The following RBFOX1 variants were observed in gnomAD, a reference collection of about 807,000 sequenced individuals.
The protein encoded by RBFOX1 is RNA binding protein fox-1 homolog 1.
In RBFOX1, 8 loss-of-function variants were observed where a neutral mutation model predicts 57.7. The ratio of observed to expected loss-of-function variants is 0.14; its 90% CI spans 0.08 to 0.25. RBFOX1 has a LOEUF of 0.25. Among genes scored for constraint, RBFOX1 ranks in the 10% least tolerant of loss-of-function variants. RBFOX1 has a pLI of 1.00. For synonymous variants in RBFOX1, 326 were observed against 222.4 expected (o/e 1.47, Z -4.15); for missense variants, 611 against 548.5 (o/e 1.11, Z -1.14).
In RBFOX1 at chr16:7,518,403, T is replaced by C. The variant is rs1289560168; in HGVS notation, c.270+14T>C. The C allele has an allele frequency of 6.2e-7, 1 of 1,600,814 alleles. No homozygotes were observed. The highest frequency in any genetic ancestry group is 2.2e-5 in the East Asian group (1 of 44,550). ...GGCACCGCCACAGTAAGTGGACGTGTTTGCTACGGGTGGGAGGTTATGGGG... is the reference window on the plus strand; with the variant it reads ...GGCACCGCCACAGTAAGTGGACGTGCTTGCTACGGGTGGGAGGTTATGGGG... On this transcript the variant is annotated intron_variant, in intron 5 of 15. Coordinates refer to ENST00000550418, the MANE Select transcript of RBFOX1 (RefSeq NM_018723.4).
intron 3 of RBFOX1, among the ~76,000 whole-genome samples, chr16:5,848,111 G>A (rs2056802752): frequency 6.6e-6 from 1 of 152,054 alleles, no homozygotes; most frequent in Admixed American, 6.5e-5. Flanking sequence ...TTGTCTGTGA[G>A]GAACATCTGT....
At chr16:6,912,871 T>A (rs1280513398) in intron 3 of RBFOX1, among the ~76,000 whole-genome samples, 2 of 152,110 alleles carry the variant, frequency 1.3e-5, no homozygotes, top group Non-Finnish European at 2.9e-5. Context: ...CCTCTTGCCT[T>A]GACCTCCCAA....
Position 7,052,098 on chromosome 16 carries a change from G to T in RBFOX1, c.27G>T (p.Arg9Ser), listed in dbSNP as rs758592429. The change falls in exon 4 of 16, where the codon AGG (arginine) becomes AGT (serine). Residue 9 changes from arginine (R) to serine (S), a missense_variant and splice_region_variant. Transcript: ENST00000550418. ...TGAATTGTGAAAGAGAGCAGCTAAG[G>T]GTAGGTGCACCTGCTTGTAAAATGC... MNCEREQL[R>S]GNQEAAAAPD... 7 of 1,606,338 alleles carry T rather than the reference G, an allele frequency of 4.4e-6. No homozygotes were observed. The highest frequency in any genetic ancestry group is 3.4e-5 in the South Asian group (3 of 88,836).
chr16:7,465,887 T>A (rs1315870852), intron 4 of RBFOX1, among the ~76,000 whole-genome samples: 2 of 152,100 alleles, frequency 1.3e-5, no homozygotes, highest in South Asian at 2.1e-4. Context: ...CATACATACA[T>A]TTTTTTGCCC....
intron 3 of RBFOX1, among the ~76,000 whole-genome samples, chr16:6,852,058 T>A (rs1312045233): frequency 2.0e-5 from 3 of 151,942 alleles, no homozygotes; most frequent in Non-Finnish European, 2.9e-5. Flanking sequence ...CTTGAGTAGC[T>A]GAGACTACAG....
intron 3 of RBFOX1, among the ~76,000 whole-genome samples, chr16:6,957,195 G>C (rs1004500808): frequency 9.4e-5 from 14 of 149,086 alleles, no homozygotes; most frequent in African/African-American, 3.2e-4. Context: ...GCAGTGGTGT[G>C]ATCTCGGCTC....
chr16:6,052,773 G>C (rs866496515), intron 1 of RBFOX1, among the ~76,000 whole-genome samples: 1 of 147,560 alleles, frequency 6.8e-6, no homozygotes, highest in Non-Finnish European at 1.5e-5. Context: ...GACAGAGCGA[G>C]ACTCCGTCTC....
chr16:5,746,359 C>T lies in RBFOX1; in HGVS notation c.319-120944C>T, dbSNP rs565187702. On this transcript the variant is annotated intron_variant, in intron 3 of 19. Coordinates refer to the RBFOX1 transcript ENST00000641259. ...TACTGTAGCCTTGTAGTATAGTTTGCAGTCAGGTAGCATGATGCTTCCAGC... is the reference window on the plus strand; with the variant it reads ...TACTGTAGCCTTGTAGTATAGTTTGTAGTCAGGTAGCATGATGCTTCCAGC... Among the ~76,000 whole-genome samples the T allele has an allele frequency of 1.8e-3, 276 of 152,208 alleles. 2 individuals carry two copies. Among genetic ancestry groups the T allele is most frequent in the African/African-American group, 6.5e-3 (272 of 41,528 alleles).
At chr16:5,436,338 T>TCAGGGGCTACAGAAGAGA in intron 1 of RBFOX1, among the ~76,000 whole-genome samples, 1 of 152,144 alleles carries the variant, frequency 6.6e-6, no homozygotes, top group Non-Finnish European at 1.5e-5. Context: ...GTGGATTAGT[T>TCAGGGGCTACAGAAGAGA]CAGGGGCTAC....
intron 3 of RBFOX1, among the ~76,000 whole-genome samples, chr16:6,980,791 C>A (rs377643795): frequency 3.9e-4 from 59 of 152,128 alleles, no homozygotes; most frequent in Admixed American, 1.2e-3. Flanking sequence ...GCCTGTAATC[C>A]CAGCACTTTG....
intron 4 of RBFOX1, among the ~76,000 whole-genome samples, chr16:7,330,280 C>T (rs35889689): frequency 6.6e-6 from 1 of 151,580 alleles, no homozygotes; most frequent in Non-Finnish European, 1.5e-5. Flanking sequence ...TAGATTACTT[C>T]TGAAGCCTAA....
intron 3 of RBFOX1, among the ~76,000 whole-genome samples, chr16:6,975,247 G>T (rs1313079886): frequency 6.9e-6 from 1 of 144,576 alleles, no homozygotes; most frequent in Non-Finnish European, 1.5e-5. Context: ...ACTCAACCAA[G>T]AAGAAATCAT....
intron 3 of RBFOX1, among the ~76,000 whole-genome samples, chr16:5,728,796 G>T (rs576812502): frequency 1.3e-5 from 2 of 152,086 alleles, no homozygotes; most frequent in Non-Finnish European, 2.9e-5. Flanking sequence ...ACTGTGTTCT[G>T]CTGGCCCCTT....
At chr16:6,775,573 A>T (rs1292955873) in intron 3 of RBFOX1, among the ~76,000 whole-genome samples, 1 of 152,162 alleles carries the variant, frequency 6.6e-6, no homozygotes, top group Non-Finnish European at 1.5e-5. Flanking sequence ...AAATTAAAGG[A>T]AAAAAGATGG....
chr16:6,553,127 A>C (rs1478922164), intron 2 of RBFOX1, among the ~76,000 whole-genome samples: 1 of 152,172 alleles, frequency 6.6e-6, no homozygotes, highest in East Asian at 1.9e-4. Flanking sequence ...GGATGTGCCC[A>C]CTGGTCATGG....
In RBFOX1 at chr16:7,676,838, G is replaced by A. The variant is rs187211692; in HGVS notation, c.995G>A (p.Ser332Asn). 6.2e-7 allele frequency: 1 copy of A among 1,611,432 alleles called. No homozygotes were observed. Among genetic ancestry groups the A allele is most frequent in the East Asian group, 2.2e-5 (1 of 44,792 alleles). ...GCCACTGCCGCTGCCTACAGTGACA[G>A]GTAAGGGTCATCCTTCTTGTGCTTG... ...TPATAAAYSD[S>N]YGRVYAADPY... The change falls in exon 14 of 16, where the codon AGT becomes AAT. Residue 332 changes from serine to asparagine, a missense_variant and splice_region_variant. By Grantham distance (46) the Ser-to-Asn change is conservative. Coordinates refer to ENST00000550418, the MANE Select transcript of RBFOX1 (RefSeq NM_018723.4).
intron 4 of RBFOX1, among the ~76,000 whole-genome samples, chr16:7,246,882 C>T (rs914066005): frequency 7.9e-5 from 12 of 152,062 alleles, no homozygotes; most frequent in Admixed American, 7.9e-4. Flanking sequence ...CTGCCATCCA[C>T]GAGACAGGAA....
At chr16:7,567,493 G>A (rs201574395) in intron 5 of RBFOX1, among the ~76,000 whole-genome samples, 900 of 17,594 alleles carry the variant, frequency 0.051, 29 homozygotes, top group East Asian at 0.079. Context: ...GGCCCTATAT[G>A]TATATCCCTA....
chr16:5,325,147 C>A (rs555613131), intron 1 of RBFOX1, among the ~76,000 whole-genome samples: 2 of 151,850 alleles, frequency 1.3e-5, no homozygotes, highest in East Asian at 3.9e-4. Context: ...CTCTACAACA[C>A]CTTCCCTTTC....
Sources: gnomAD v4.1 joint callset for allele counts (sites outside exome capture counted in the v4.1 genomes callset) on GRCh38, gnomAD v4.1.1 for gene constraint, MANE v1.5 for transcripts, NCBI Gene and HGNC (gene_info 2026-07-23, HGNC 2026-07-21) for gene names.